Variants in CROT observed in about 807,000 individuals in gnomAD.
CROT encodes the protein peroxisomal carnitine O-octanoyltransferase.
Under a neutral mutation model 89.2 loss-of-function variants are expected in CROT, and 84 were observed. That is an observed-to-expected ratio of 0.94 (90% CI 0.79 to 1.13). The LOEUF (loss-of-function observed/expected upper bound fraction) is 1.13, where lower values mean the gene tolerates loss of function less well. Ranked by LOEUF, CROT falls within the 50% of genes most tolerant of loss-of-function variation. The pLI is 0.00. For synonymous variants in CROT, 212 were observed against 239.5 expected (o/e 0.89, Z 1.06); for missense variants, 711 against 727.8 (o/e 0.98, Z 0.27).
intron 13 of CROT, among the ~76,000 whole-genome samples, chr7:87,386,808 G>A (rs1807196514): frequency 6.6e-6 from 1 of 152,106 alleles, no homozygotes; most frequent in Admixed American, 6.6e-5. Context: ...AGTGATCACT[G>A]AGTTTTGTTC....
chr7:87,349,582 A>G (rs890273679), intron 3 of CROT, among the ~76,000 whole-genome samples: 5 of 152,204 alleles, frequency 3.3e-5, no homozygotes, highest in South Asian at 2.1e-4. Flanking sequence ...TCTCAAAAAC[A>G]TATATTGTTA....
intron 3 of CROT, among the ~76,000 whole-genome samples, chr7:87,355,012 C>G (rs1806013199): frequency 6.6e-6 from 1 of 152,074 alleles, no homozygotes. Context: ...AATAATCAGT[C>G]ATTTTACTTT....
intron 7 of CROT, among the ~76,000 whole-genome samples, chr7:87,372,377 G>T (rs900802516): frequency 2.6e-5 from 4 of 152,030 alleles, no homozygotes; most frequent in Admixed American, 2.6e-4. Context: ...GATAATATTT[G>T]TGTGTCTTCC....
In CROT at chr7:87,375,618, T is replaced by C; in HGVS notation, c.657-14T>C. 2.5e-6 allele frequency: 4 copies of C among 1,596,632 alleles called. No individual in the cohort carries two copies. The highest frequency in any genetic ancestry group is 3.4e-6 in the Non-Finnish European group (4 of 1,165,190). ...CCTGTACTCTTTTTTAATCTTCTTT[T>C]CATCTTCCATAAGACAACTGACATA... On this transcript the variant is annotated splice_polypyrimidine_tract_variant and intron_variant, in intron 7 of 17. Transcript: ENST00000331536.
intron 3 of CROT, among the ~76,000 whole-genome samples, chr7:87,350,224 C>G (rs896354116): frequency 3.3e-5 from 5 of 151,982 alleles, no homozygotes; most frequent in African/African-American, 1.2e-4. Context: ...GAACTCATGT[C>G]CTGGGATATA....
At chr7:87,377,277 T>C in intron 9 of CROT, 72 bp from the exon 10 acceptor site, 1 of 865,200 alleles carries the variant, frequency 1.2e-6, no homozygotes, top group Non-Finnish European at 1.8e-6. Context: ...AGATGATATA[T>C]GTGTTTAAGA....
At chr7:87,387,605 A>G (rs1214201433) in intron 13 of CROT, among the ~76,000 whole-genome samples, 2 of 152,134 alleles carry the variant, frequency 1.3e-5, no homozygotes, top group East Asian at 3.9e-4. Context: ...TATGTATTAT[A>G]TATTGTATTC....
At chr7:87,369,061 C>T (rs1806540018) in intron 6 of CROT, among the ~76,000 whole-genome samples, 2 of 152,168 alleles carry the variant, frequency 1.3e-5, no homozygotes, top group African/African-American at 4.8e-5. Context: ...CCACTGGTCT[C>T]CTTCTCCCCT....
At position 87,398,898 on chromosome 7, in the gene CROT, G is replaced by A; in HGVS notation, c.*254G>A. The A allele has an allele frequency of 2.5e-6, 1 of 405,068 alleles. No individual in the cohort carries two copies. Among genetic ancestry groups the A allele is most frequent in the Non-Finnish European group, 4.5e-6 (1 of 224,464 alleles). The allele number at this position is 405,068 out of a possible 1,614,324, so 25.1% of individuals were successfully genotyped here. Reference sequence around the variant, plus strand: ...GACATAGTGAATATAGAACTATGCAGTATTTAAGCCTCAACAATCCAAATC... The same window carrying A: ...GACATAGTGAATATAGAACTATGCAATATTTAAGCCTCAACAATCCAAATC... On this transcript the variant is annotated 3_prime_UTR_variant, in exon 18 of 18. Coordinates refer to ENST00000331536, the MANE Select transcript of CROT (RefSeq NM_021151.4).
intron 2 of CROT, among the ~76,000 whole-genome samples, chr7:87,347,315 A>G (rs1584613568): frequency 1.3e-5 from 2 of 152,364 alleles, no homozygotes; most frequent in East Asian, 3.9e-4. Flanking sequence ...CTACCACAAT[A>G]TGGTGGTTTC....
chr7:87,369,303 C>T (rs1806546213), intron 6 of CROT, 73 bp from the exon 7 acceptor site: 6 of 911,304 alleles, frequency 6.6e-6, no homozygotes, highest in Non-Finnish European at 1.0e-5. Context: ...TACTTTTCTT[C>T]TATTGGATAT....
intron 7 of CROT, among the ~76,000 whole-genome samples, chr7:87,372,016 A>G (rs1264448325): frequency 6.6e-6 from 1 of 151,462 alleles, no homozygotes; most frequent in African/African-American, 2.4e-5. Flanking sequence ...ACAAAAAAAA[A>G]AAAACAAAAA....
intron 2 of CROT, among the ~76,000 whole-genome samples, chr7:87,348,311 T>C (rs1805756658): frequency 6.6e-6 from 1 of 152,192 alleles, no homozygotes; most frequent in African/African-American, 2.4e-5. Flanking sequence ...ATTTCTTTGA[T>C]AGCAATTAAT....
intron 3 of CROT, among the ~76,000 whole-genome samples, chr7:87,353,483 C>G (rs961355527): frequency 6.6e-6 from 1 of 152,070 alleles, no homozygotes; most frequent in Admixed American, 6.6e-5. Flanking sequence ...ATATAATTAT[C>G]AGGGTGGAGG....
At chr7:87,374,713 G>A (rs1806751079) in intron 7 of CROT, among the ~76,000 whole-genome samples, 1 of 152,026 alleles carries the variant, frequency 6.6e-6, no homozygotes, top group Admixed American at 6.6e-5. Flanking sequence ...AGCAAGAAAT[G>A]TATTTCTTTA....
chr7:87,382,416 T>C lies in CROT; in HGVS notation c.1174T>C (p.Ser392Pro). Reference protein sequence around the residue: ...QAKAQYLREASDLQIAAYAFT... With the variant: ...QAKAQYLREAPDLQIAAYAFT... ...CTCATTTAATTCTTCTTGTTAGGCA[T>C]CTGATCTACAGATTGCGGCTTATGC... Residue 392 changes from serine (S) to proline (P), a missense_variant, in exon 13 of 18, where the codon TCT becomes CCT. Coordinates refer to ENST00000331536, the MANE Select transcript of CROT (RefSeq NM_021151.4). 1 of 1,610,698 alleles carries C rather than the reference T, an allele frequency of 6.2e-7. No homozygotes were observed. Among genetic ancestry groups the C allele is most frequent in the Non-Finnish European group, 8.5e-7 (1 of 1,179,084 alleles).
rs938915234 is a variant in CROT at position 87,392,593 on chromosome 7, C to T, written c.1453C>T (p.Gln485Ter). Residue 485 changes from glutamine (Q) to a stop codon, truncating the protein, a stop_gained, in exon 15 of 18, where the codon CAA becomes TAA. Coordinates refer to ENST00000331536, the MANE Select transcript of CROT (RefSeq NM_021151.4). LOFTEE classifies it high-confidence loss of function. ...NLRERQQKMLQAFAKHNKMMK... is the reference protein window; with the variant it reads ...NLRERQQKML ...TCGTGAGCGGCAGCAAAAGATGTTACAAGCTTTTGCAAAGCATAATAAAAT... is the reference window on the plus strand; with the variant it reads ...TCGTGAGCGGCAGCAAAAGATGTTATAAGCTTTTGCAAAGCATAATAAAAT... 2 of 1,613,276 alleles carry T rather than the reference C, an allele frequency of 1.2e-6. No homozygotes were observed. The highest frequency in any genetic ancestry group is 1.7e-6 in the Non-Finnish European group (2 of 1,179,584).
At chr7:87,392,859 G>T (rs1211515937) in intron 16 of CROT, 36 bp downstream of exon 16, 4 of 1,608,344 alleles carry the variant, frequency 2.5e-6, no homozygotes, top group Non-Finnish European at 3.4e-6. Context: ...TTCATCAATT[G>T]GCTTCCTCTT....
chr7:87,359,774 T>C, intron 4 of CROT: 4 of 988,542 alleles, frequency 4.0e-6, no homozygotes, highest in Non-Finnish European at 4.8e-6. Context: ...AGAATGGTTA[T>C]GTATATTGTA....
Sources: allele counts gnomAD v4.1 joint callset (sites outside exome capture counted in the v4.1 genomes callset), GRCh38; gene constraint gnomAD v4.1.1; transcripts MANE v1.5; gene names NCBI Gene and HGNC (gene_info 2026-07-23, HGNC 2026-07-21).